The following TMEM132B variants were observed in gnomAD, a reference collection of about 807,000 sequenced individuals.
TMEM132B encodes transmembrane protein 132B.
TMEM132B carries 18 observed loss-of-function variants against 90.8 expected under a neutral mutation model. The ratio of observed to expected loss-of-function variants is 0.20; its 90% CI spans 0.14 to 0.29. The LOEUF is 0.29. Among genes scored for constraint, TMEM132B ranks in the 10% least tolerant of loss-of-function variants. The pLI is 1.00. For synonymous variants in TMEM132B, 504 were observed against 523.3 expected, an observed-to-expected ratio of 0.96 and a Z score of 0.50; for missense variants, 1,096 against 1,326.8, an observed-to-expected ratio of 0.83 and a Z score of 2.70.
chr12:125,217,758 T>G (rs1486932478), intron 1 of TMEM132B, among the ~76,000 whole-genome samples: 1 of 152,208 alleles, frequency 6.6e-6, no homozygotes, highest in Non-Finnish European at 1.5e-5. Flanking sequence ...CTGGCCTTCC[T>G]TCCTTTAATT....
chr12:125,276,300 G>A (rs1417868543), intron 1 of TMEM132B, among the ~76,000 whole-genome samples: 2 of 152,208 alleles, frequency 1.3e-5, no homozygotes, highest in African/African-American at 4.8e-5. Flanking sequence ...GACAGCAGCT[G>A]ATCTCTGCAC....
chr12:125,308,111 C>T (rs1201542954), intron 1 of TMEM132B, among the ~76,000 whole-genome samples: 2 of 144,262 alleles, frequency 1.4e-5, no homozygotes, highest in Non-Finnish European at 3.0e-5. Flanking sequence ...AAGTATATTA[C>T]AAGTATATAT....
chr12:125,396,384 C>G (rs762784505), intron 2 of TMEM132B, among the ~76,000 whole-genome samples: 1 of 152,226 alleles, frequency 6.6e-6, no homozygotes, highest in African/African-American at 2.4e-5. Context: ...ACACTCTTAT[C>G]ACCCACATCA....
chr12:125,350,921 A>G (rs1413002575), intron 2 of TMEM132B, among the ~76,000 whole-genome samples: 2 of 152,166 alleles, frequency 1.3e-5, no homozygotes, highest in African/African-American at 4.8e-5. Flanking sequence ...GAGCTTTCTT[A>G]AGCAGGTACT....
At chr12:125,515,571 TCA>T (rs745934547) in intron 3 of TMEM132B, among the ~76,000 whole-genome samples, 45 of 149,584 alleles carry the variant, frequency 3.0e-4, no homozygotes, top group East Asian at 5.9e-4. Flanking sequence ...TCTCCCACAC[TCA>T]CACACACACA....
chr12:125,300,353 C>A (rs144913735), intron 1 of TMEM132B, among the ~76,000 whole-genome samples: 1 of 152,218 alleles, frequency 6.6e-6, no homozygotes, highest in Admixed American at 6.5e-5. Context: ...TTCTTTATAT[C>A]CCTTGTTACA....
At chr12:125,568,427 CA>C in intron 4 of TMEM132B, among the ~76,000 whole-genome samples, 1 of 152,278 alleles carries the variant, frequency 6.6e-6, no homozygotes. Context: ...AATCTTCAGC[CA>C]CTCCCCTTTG....
At chr12:125,529,264 CTTTTTAA>C (rs1217255799) in intron 4 of TMEM132B, among the ~76,000 whole-genome samples, 2 of 151,962 alleles carry the variant, frequency 1.3e-5, no homozygotes, top group African/African-American at 2.4e-5. Flanking sequence ...TTACTTTTTA[CTTTTTAA>C]TTTTTTGTAG....
chr12:125,438,912 T>C (rs555223905), intron 3 of TMEM132B, among the ~76,000 whole-genome samples: 1 of 152,384 alleles, frequency 6.6e-6, no homozygotes, highest in South Asian at 2.1e-4. Context: ...CTTTTATCCC[T>C]TTGCTGTGTA....
rs1886889043 is a variant in TMEM132B at position 125,650,804 on chromosome 12, G to C, written c.1765G>C (p.Gly589Arg). The C allele has an allele frequency of 6.2e-7, 1 of 1,614,106 alleles. No homozygotes were observed. Among genetic ancestry groups the C allele is most frequent in the Non-Finnish European group, 8.5e-7 (1 of 1,180,046 alleles). Reference protein sequence around the residue: ...TQFVAESPDLGQLTYMLGPDW... With the variant: ...TQFVAESPDLRQLTYMLGPDW... ...GTTTGTGGCCGAGTCACCTGACTTA[G>C]GGCAGCTGACCTACATGCTGGGCCC... Residue 589 changes from glycine to arginine, a missense_variant, in exon 7 of 9, where the codon GGG becomes CGG. Coordinates refer to ENST00000682704, the MANE Select transcript of TMEM132B (RefSeq NM_001366854.1).
At chr12:125,574,006 C>T (rs1884873069) in intron 4 of TMEM132B, among the ~76,000 whole-genome samples, 1 of 152,124 alleles carries the variant, frequency 6.6e-6, no homozygotes, top group Non-Finnish European at 1.5e-5. Flanking sequence ...TGGACCTGTA[C>T]CAAGTTCATT....
chr12:125,367,321 T>C (rs935956219), intron 2 of TMEM132B, among the ~76,000 whole-genome samples: 6 of 152,222 alleles, frequency 3.9e-5, no homozygotes, highest in African/African-American at 1.4e-4. Flanking sequence ...TTGTTTCTTT[T>C]GTTTCAGCAG....
At chr12:125,591,673 TC>T (rs1885322217) in intron 5 of TMEM132B, among the ~76,000 whole-genome samples, 1 of 152,172 alleles carries the variant, frequency 6.6e-6, no homozygotes. Context: ...AGGACTCCAG[TC>T]CCTCTAAAGG....
chr12:125,193,606 AC>A (rs1442679690), intron 1 of TMEM132B, among the ~76,000 whole-genome samples: 1 of 152,200 alleles, frequency 6.6e-6, no homozygotes, highest in Non-Finnish European at 1.5e-5. Context: ...GACCTTAATG[AC>A]CAGAAAGAGC....
intron 3 of TMEM132B, among the ~76,000 whole-genome samples, chr12:125,517,151 C>T (rs780573935): frequency 1.3e-5 from 2 of 151,176 alleles, no homozygotes; most frequent in African/African-American, 4.8e-5. Flanking sequence ...ATTCAACACA[C>T]ATTTTCTCTC....
chr12:125,476,196 C>G (rs1881877658), intron 3 of TMEM132B, among the ~76,000 whole-genome samples: 1 of 152,090 alleles, frequency 6.6e-6, no homozygotes, highest in South Asian at 2.1e-4. Flanking sequence ...TGAAATTAAC[C>G]ATTTTAAAGT....
intron 2 of TMEM132B, among the ~76,000 whole-genome samples, chr12:125,382,401 T>C (rs1878712875): frequency 6.6e-6 from 1 of 152,178 alleles, no homozygotes; most frequent in Non-Finnish European, 1.5e-5. Context: ...ACAGGATGTT[T>C]GGTGTAAGAA....
chr12:125,263,070 G>A (rs1874604127), intron 1 of TMEM132B, among the ~76,000 whole-genome samples: 1 of 152,228 alleles, frequency 6.6e-6, no homozygotes, highest in South Asian at 2.1e-4. Flanking sequence ...ACTTAGAACT[G>A]CTCGTTCCTT....
intron 6 of TMEM132B, among the ~76,000 whole-genome samples, 179 bp downstream of exon 6, chr12:125,644,460 G>A (rs1886710681): frequency 6.6e-6 from 1 of 151,996 alleles, no homozygotes; most frequent in Non-Finnish European, 1.5e-5. Context: ...CTTGACATGA[G>A]GAAATTATAA....
Sources: allele counts gnomAD v4.1 joint callset (sites outside exome capture counted in the v4.1 genomes callset), GRCh38; gene constraint gnomAD v4.1.1; transcripts MANE v1.5; gene names NCBI Gene and HGNC (gene_info 2026-07-23, HGNC 2026-07-21).